Variants in CAND2 observed in about 807,000 individuals in gnomAD.
CAND2 encodes cullin-associated NEDD8-dissociated protein 2.
Under a neutral mutation model 98.9 loss-of-function variants are expected in CAND2, and 62 were observed. The ratio of observed to expected loss-of-function variants is 0.63; its 90% CI spans 0.51 to 0.77. CAND2 has a LOEUF of 0.77. Ranked by LOEUF, CAND2 falls within the 30% of genes least tolerant of loss-of-function variation. The pLI, the probability that CAND2 is intolerant of heterozygous loss-of-function variation, is 0.00. For missense variants in CAND2, 1,501 were observed against 1,655.2 expected (o/e 0.91, Z 1.62); for synonymous variants, 770 against 731.9 (o/e 1.05, Z -0.84).
chr3:12,812,221 C>CTT lies in CAND2; in HGVS notation c.758-751_758-750dup, dbSNP rs531439250. Among the ~76,000 whole-genome samples the CTT allele has an allele frequency of 1.3e-4, 10 of 74,516 alleles. 2 individuals carry two copies. Among genetic ancestry groups the CTT allele is most frequent in the African/African-American group, 2.3e-4 (4 of 17,404 alleles). 48.9% of individuals were successfully genotyped at this position (74,516 alleles called of 152,430 possible). A position where few individuals can be genotyped will look rare whatever the true frequency, so the allele number is the denominator to read the frequency against. ...ACCATGCCCGGCCTAAGCTGTTTAT[C>CTT]TTTTTTTTTTTTTTTTTTTGGAGAT... On this transcript the variant is annotated intron_variant, in intron 5 of 14. Coordinates refer to ENST00000456430, the MANE Select transcript of CAND2 (RefSeq NM_001162499.2).
rs1203526825 is a variant in CAND2 at position 12,805,993 on chromosome 3, A to G, written c.213-1313A>G. Among the ~76,000 whole-genome samples the G allele has an allele frequency of 2.0e-5, 3 of 152,076 alleles. No individual in the cohort carries two copies. In the East Asian group the frequency reaches 5.8e-4, roughly 29 times the overall value. On this transcript the variant is annotated intron_variant, in intron 2 of 14. Transcript: ENST00000456430. ...AGTGCTATAGGAGGTAGGATGGAGG[A>G]CTCCATGATTACGTAGATAGAGGAG...
intron 2 of CAND2, among the ~76,000 whole-genome samples, chr3:12,806,931 A>G (rs1049676763): frequency 1.3e-5 from 2 of 152,072 alleles, no homozygotes; most frequent in African/African-American, 2.4e-5. Flanking sequence ...CTTGCTAGAA[A>G]TGCACACTAT....
chr3:12,826,130 A>G (rs1467043925), intron 12 of CAND2, among the ~76,000 whole-genome samples: 1 of 152,216 alleles, frequency 6.6e-6, no homozygotes, highest in African/African-American at 2.4e-5. Context: ...ACAATGGTGC[A>G]AAAGCAGTAG....
intron 2 of CAND2, among the ~76,000 whole-genome samples, chr3:12,805,947 G>A (rs932578538): frequency 5.9e-5 from 9 of 152,132 alleles, no homozygotes. Flanking sequence ...TGCCAAGGTG[G>A]TATTACTCCT....
intron 7 of CAND2, among the ~76,000 whole-genome samples, chr3:12,814,723 G>A (rs1489496269): frequency 6.6e-6 from 1 of 152,102 alleles, no homozygotes; most frequent in Non-Finnish European, 1.5e-5. Flanking sequence ...GATTCTCCAA[G>A]TCTACATGAA....
intron 13 of CAND2, among the ~76,000 whole-genome samples, chr3:12,829,717 G>A (rs2062038043): frequency 6.6e-6 from 1 of 152,228 alleles, no homozygotes; most frequent in South Asian, 2.1e-4. Flanking sequence ...AGGTCAATGT[G>A]AGAGGTGGGG....
At chr3:12,831,348 G>A (rs773654490) in intron 13 of CAND2, 117 bp from the exon 14 acceptor site, 19 of 763,784 alleles carry the variant, frequency 2.5e-5, no homozygotes, top group Non-Finnish European at 3.7e-5. Context: ...AGGACTTCAC[G>A]GTGGTCTGAA....
chr3:12,815,466 G>C lies in CAND2; in HGVS notation c.1299+33G>C. On this transcript the variant is annotated intron_variant, in intron 8 of 14. Transcript: ENST00000456430. The surrounding 1 kb of genome is among the most constrained non-coding windows in gnomAD (Gnocchi z 5.7). Reference sequence around the variant, plus strand: ...TGCCTTCACCTCCACCCCTACCCCCGATTTGCCTACCCAGCCACTCACTGT... The same window carrying C: ...TGCCTTCACCTCCACCCCTACCCCCCATTTGCCTACCCAGCCACTCACTGT... 6.3e-7 allele frequency: 1 copy of C among 1,576,596 alleles called. No individual in the cohort carries two copies. The highest frequency in any genetic ancestry group is 8.6e-7 in the Non-Finnish European group (1 of 1,156,340).
In CAND2 at chr3:12,813,255, G is replaced by C; in HGVS notation, c.873G>C (p.Lys291Asn). 1 of 1,613,454 alleles carries C rather than the reference G, an allele frequency of 6.2e-7. No individual in the cohort carries two copies. The highest frequency in any genetic ancestry group is 1.8e-4 in the Middle Eastern group (1 of 5,650). ...TCATCCTGCCCCACAGGTGCCCCAA[G>C]GAAATGGGTCCTCACGTGCCCAACG... ...AFEAFLRKCP[K>N]EMGPHVPNVT... Residue 291 changes from lysine to asparagine, a missense_variant, in exon 7 of 15, where the codon AAG (lysine) becomes AAC (asparagine). Coordinates refer to ENST00000456430, the MANE Select transcript of CAND2 (RefSeq NM_001162499.2).
chr3:12,808,101 C>G (rs1018395401), intron 3 of CAND2, 109 bp from the exon 4 acceptor site: 53 of 1,388,250 alleles, frequency 3.8e-5, no homozygotes, highest in Admixed American at 2.9e-4. Flanking sequence ...TGGTAAGATT[C>G]CCGGGGATGT....
intron 11 of CAND2, among the ~76,000 whole-genome samples, chr3:12,821,172 T>A (rs1559556401): frequency 6.6e-6 from 1 of 151,100 alleles, no homozygotes; most frequent in East Asian, 1.9e-4. Context: ...AGGTGAAGGT[T>A]GCAGTGAGCG....
Position 12,813,370 on chromosome 3 carries a change from A to G in CAND2, c.988A>G (p.Ser330Gly). 1 of 1,613,782 alleles carries G rather than the reference A, an allele frequency of 6.2e-7. No individual in the cohort carries two copies. The highest frequency in any genetic ancestry group is 8.5e-7 in the Non-Finnish European group (1 of 1,179,830). Residue 330 changes from serine (S) to glycine (G), a missense_variant, in exon 7 of 15, where the codon AGT (serine) becomes GGT (glycine). Around this residue, in one of 3 missense-constraint regions of CAND2, gnomAD observed 1,427 missense variants for 1,545.3 expected, o/e 0.92. Coordinates refer to ENST00000456430, the MANE Select transcript of CAND2 (RefSeq NM_001162499.2). ...EDEEQMETEDSEFSEQESEDE... is the reference protein window; with the variant it reads ...EDEEQMETEDGEFSEQESEDE... ...TGAGGAGCAGATGGAGACAGAGGAT[A>G]GTGAATTCAGTGAGCAAGGTTGGTG...
chr3:12,813,408 T>C lies in CAND2; in HGVS notation c.1006+20T>C, dbSNP rs1219114724. The C allele has an allele frequency of 1.2e-6, 2 of 1,608,744 alleles. No homozygotes were observed. Among genetic ancestry groups the C allele is most frequent in the Non-Finnish European group, 1.7e-6 (2 of 1,177,264 alleles). On this transcript the variant is annotated intron_variant, in intron 7 of 14. Transcript: ENST00000456430. ...AGCAAGGTTGGTGGACAGCCCATCA[T>C]TGGGGTTGGAGGGTGGAGGTGAACA...
Position 12,807,356 on chromosome 3 carries a change from TGGACAC to T in CAND2, c.264_269del (p.Asp89_Thr90del). On this transcript the variant is annotated inframe_deletion, in exon 3 of 15. Coordinates refer to ENST00000456430, the MANE Select transcript of CAND2 (RefSeq NM_001162499.2). ...AAGGAGTACCAGGTGGAGACCATTG[TGGACAC>T]CCTGTGCACCAACATGCGGTCAGAC... 6.4e-7 allele frequency: 1 copy of T among 1,551,700 alleles called. No individual in the cohort carries two copies. Among genetic ancestry groups the T allele is most frequent in the Non-Finnish European group, 8.7e-7 (1 of 1,146,956 alleles).
intron 2 of CAND2, among the ~76,000 whole-genome samples, chr3:12,804,173 G>T (rs924279587): frequency 1.3e-5 from 2 of 152,140 alleles, no homozygotes; most frequent in African/African-American, 4.8e-5. Context: ...AGGCTTAAAG[G>T]CTGGGTGCGG....
intron 11 of CAND2, among the ~76,000 whole-genome samples, chr3:12,820,567 C>G (rs1023265071): frequency 2.0e-5 from 3 of 152,238 alleles, no homozygotes; most frequent in African/African-American, 4.8e-5. Flanking sequence ...CATGCCTTAG[C>G]TTTTGCGGGC....
chr3:12,812,688 C>T (rs1353725549), intron 5 of CAND2, among the ~76,000 whole-genome samples: 1 of 150,438 alleles, frequency 6.6e-6, no homozygotes, highest in African/African-American at 2.5e-5. Context: ...ACAGGCGCGC[C>T]TGGCCTAAGC....
rs531439250 is a variant in CAND2 at position 12,812,221 on chromosome 3, C to CTTTTTTTTTTTTTTTTTT, written c.758-767_758-750dup. 2.7e-3 allele frequency among the ~76,000 whole-genome samples: 203 copies of CTTTTTTTTTTTTTTTTTT among 74,500 alleles called. 33 individuals are homozygous for CTTTTTTTTTTTTTTTTTT. Among genetic ancestry groups the CTTTTTTTTTTTTTTTTTT allele is most frequent in the East Asian group, 7.9e-3 (20 of 2,538 alleles). 48.9% of individuals were successfully genotyped at this position (74,500 alleles called of 152,430 possible). A position where few individuals can be genotyped will look rare whatever the true frequency, so the allele number is the denominator to read the frequency against. On this transcript the variant is annotated intron_variant, in intron 5 of 14. Transcript: ENST00000456430. ...ACCATGCCCGGCCTAAGCTGTTTATCTTTTTTTTTTTTTTTTTTTGGAGAT... is the reference window on the plus strand; with the variant it reads ...ACCATGCCCGGCCTAAGCTGTTTATCTTTTTTTTTTTTTTTTTTTTTTTTTTTTTTTTTTTTTGGAGAT...
In CAND2 at chr3:12,796,724, A is replaced by G. The variant is rs766283651; in HGVS notation, c.4A>G (p.Ser2Gly). The G allele has an allele frequency of 8.2e-6, 13 of 1,582,634 alleles. No individual in the cohort carries two copies. Among genetic ancestry groups the G allele is most frequent in the African/African-American group, 5.4e-5 (4 of 74,228 alleles). ...GGCTCCGCGGCGCGCAGCCACCATG[A>G]GCACCGCCGCCTTCCACATCTCCAG... MSTAAFHISSLL... is the reference protein window; with the variant it reads MGTAAFHISSLL... The change falls in exon 1 of 15, where the codon AGC becomes GGC. Residue 2 changes from serine (S) to glycine (G), a missense_variant. Physicochemically the swap from Ser to Gly is moderately conservative, Grantham distance 56. Transcript: ENST00000456430.
Sources: allele counts gnomAD v4.1 joint callset (sites outside exome capture counted in the v4.1 genomes callset), GRCh38; gene constraint gnomAD v4.1.1; regional missense constraint gnomAD v4.1.1; non-coding constraint Gnocchi (gnomAD v3.1); transcripts MANE v1.5; gene names NCBI Gene and HGNC (gene_info 2026-07-23, HGNC 2026-07-21).